RPTOR: variants seen among roughly 807,000 people sequenced by gnomAD.
The protein encoded by RPTOR is regulatory associated protein of MTOR complex 1.
In RPTOR, 21 loss-of-function variants were observed where a neutral mutation model predicts 169.9. That is an observed-to-expected ratio of 0.12 (90% confidence interval 0.09 to 0.18). RPTOR has a LOEUF of 0.18. RPTOR is among the 10% of genes least tolerant of loss of function. The pLI, the probability that RPTOR is intolerant of heterozygous loss-of-function variation, is 1.00. For missense variants in RPTOR, 1,133 were observed against 1,855.9 expected, an observed-to-expected ratio of 0.61 and a Z score of 7.16; for synonymous variants, 732 against 753.2, an observed-to-expected ratio of 0.97 and a Z score of 0.46.
At chr17:80,734,746 C>T (rs1294899911) in intron 5 of RPTOR, among the ~76,000 whole-genome samples, 2 of 152,064 alleles carry the variant, frequency 1.3e-5, no homozygotes, top group East Asian at 1.9e-4. Flanking sequence ...AAGAACAGCC[C>T]GCCCTCTGTA....
At position 80,845,675 on chromosome 17, in the gene RPTOR, T is replaced by C. The variant is rs2067721146; in HGVS notation, c.1213-798T>C. 6.6e-6 allele frequency among the ~76,000 whole-genome samples: 1 copy of C among 151,634 alleles called. No individual in the cohort carries two copies. The highest frequency in any genetic ancestry group is 6.6e-5 in the Admixed American group (1 of 15,236). ...CTCACCAGCGTCCTGTCCCCATTAC[T>C]CCACATCTACAAAAAGCACTTCCTG... On this transcript the variant is annotated intron_variant, in intron 10 of 33. Transcript: ENST00000306801. The surrounding 1 kb of genome is among the most constrained non-coding windows in gnomAD (Gnocchi z 5.4).
intron 2 of RPTOR, among the ~76,000 whole-genome samples, chr17:80,628,462 A>G (rs2065413221): frequency 6.6e-6 from 1 of 152,192 alleles, no homozygotes; most frequent in Non-Finnish European, 1.5e-5. Flanking sequence ...CTTTTAAAAC[A>G]GTCACCTGTT....
At chr17:80,706,148 C>T (rs1265583481) in intron 3 of RPTOR, among the ~76,000 whole-genome samples, 1 of 152,088 alleles carries the variant, frequency 6.6e-6, no homozygotes, top group Non-Finnish European at 1.5e-5. Flanking sequence ...AGAGGCAAAC[C>T]CTTTTAGCTA....
At chr17:80,709,064 A>C in intron 4 of RPTOR, 1 of 985,420 alleles carries the variant, frequency 1.0e-6, no homozygotes. Flanking sequence ...ACCTCGAGGA[A>C]GGCTTCTGAC....
At chr17:80,557,898 C>A (rs189525923) in intron 1 of RPTOR, among the ~76,000 whole-genome samples, 111 of 152,098 alleles carry the variant, frequency 7.3e-4, no homozygotes, top group Middle Eastern at 3.4e-3. Context: ...TGCACTCCAG[C>A]CTGGGCGACA....
At chr17:80,921,575 C>T (rs536098300) in intron 21 of RPTOR, among the ~76,000 whole-genome samples, 204 of 152,362 alleles carry the variant, frequency 1.3e-3, no homozygotes, top group African/African-American at 4.7e-3. Flanking sequence ...CACAGAAAAC[C>T]CTGCTTTAAA....
chr17:80,643,669 G>T (rs193236554), intron 2 of RPTOR, 59 bp from the exon 3 acceptor site: 9 of 1,276,422 alleles, frequency 7.1e-6, no homozygotes, highest in Middle Eastern at 3.7e-4. Context: ...TGGAAGAGAG[G>T]CCTAGCAGAG....
chr17:80,660,949 A>G (rs999692234), intron 3 of RPTOR, among the ~76,000 whole-genome samples: 3 of 151,906 alleles, frequency 2.0e-5, no homozygotes, highest in Non-Finnish European at 4.4e-5. Flanking sequence ...GTCAAGCTCC[A>G]ACCCCCACCC....
chr17:80,677,424 T>G (rs2065868578), intron 3 of RPTOR, among the ~76,000 whole-genome samples: 1 of 152,204 alleles, frequency 6.6e-6, no homozygotes, highest in South Asian at 2.1e-4. Context: ...TTAACAGCTT[T>G]TCGTTGGCCC....
chr17:80,960,112 G>A lies in RPTOR; in HGVS notation c.3512G>A (p.Ser1171Asn). The A allele has an allele frequency of 6.2e-7, 1 of 1,613,662 alleles. No individual in the cohort carries two copies. Among genetic ancestry groups the A allele is most frequent in the Non-Finnish European group, 8.5e-7 (1 of 1,179,984 alleles). Reference protein sequence around the residue: ...IPTGADSCVTSLSCDSHRSLI... With the variant: ...IPTGADSCVTNLSCDSHRSLI... ...ACGGGCGCAGACAGCTGTGTGACGA[G>A]TCTGTCCTGTGATTCCCACCGCTCA... The change falls in exon 30 of 34, where the codon AGT becomes AAT. Residue 1171 changes from serine to asparagine, a missense_variant. Ser to Asn is a conservative substitution (Grantham distance 46). Around this residue, in one of 9 missense-constraint regions of RPTOR, gnomAD observed 410 missense variants for 623.7 expected, o/e 0.66. Transcript: ENST00000306801. This position sits in a 1 kb window ranked among gnomAD's most constrained non-coding sequence, Gnocchi z 4.8.
At chr17:80,773,754 T>G in intron 6 of RPTOR, 2 of 984,150 alleles carry the variant, frequency 2.0e-6, no homozygotes, top group Non-Finnish European at 2.4e-6. Flanking sequence ...GTGGGACTGA[T>G]GGGTAGCCTT....
chr17:80,753,981 T>A (rs1598282404), intron 5 of RPTOR, 29 bp from the exon 6 acceptor site: 2 of 1,593,254 alleles, frequency 1.3e-6, no homozygotes, highest in African/African-American at 2.7e-5. Flanking sequence ...TAAATCACAC[T>A]CTCTTTTCCC....
intron 1 of RPTOR, among the ~76,000 whole-genome samples, chr17:80,613,559 G>A (rs1184825615): frequency 6.6e-6 from 1 of 152,164 alleles, no homozygotes; most frequent in African/African-American, 2.4e-5. Context: ...CACAGGTGCT[G>A]TCTATGGTTG....
intron 3 of RPTOR, among the ~76,000 whole-genome samples, chr17:80,674,940 G>A (rs1171232031): frequency 6.6e-6 from 1 of 152,096 alleles, no homozygotes; most frequent in African/African-American, 2.4e-5. Context: ...TCGTCCTGAC[G>A]TGGAGGTAGA....
chr17:80,881,467 A>G (rs1598375265), intron 14 of RPTOR, among the ~76,000 whole-genome samples: 1 of 152,252 alleles, frequency 6.6e-6, no homozygotes, highest in Admixed American at 6.5e-5. Flanking sequence ...GCTCACATGA[A>G]CGGCCCCACC....
At chr17:80,779,143 C>T (rs2066916213) in intron 6 of RPTOR, among the ~76,000 whole-genome samples, 1 of 152,218 alleles carries the variant, frequency 6.6e-6, no homozygotes, top group African/African-American at 2.4e-5. Flanking sequence ...CATCACAGAC[C>T]CCAAGCTGAA....
intron 11 of RPTOR, 29 bp downstream of exon 11, chr17:80,846,603 C>T (rs1160365245): frequency 1.3e-6 from 2 of 1,598,200 alleles, no homozygotes; most frequent in Non-Finnish European, 1.7e-6. Context: ...GGCCAGACAG[C>T]CGAGGTTCCT....
chr17:80,766,514 C>G (rs561428900), intron 6 of RPTOR, among the ~76,000 whole-genome samples: 1 of 152,312 alleles, frequency 6.6e-6, no homozygotes, highest in Admixed American at 6.5e-5. Context: ...CACGCCTGAT[C>G]CCAGCATGTG....
At chr17:80,910,176 C>T (rs1374642757) in intron 21 of RPTOR, among the ~76,000 whole-genome samples, 1 of 152,160 alleles carries the variant, frequency 6.6e-6, no homozygotes, top group Non-Finnish European at 1.5e-5. Flanking sequence ...CAGTCTCTGT[C>T]TCCTGTTCCC....
Sources: gnomAD v4.1 joint callset for allele counts (sites outside exome capture counted in the v4.1 genomes callset) on GRCh38, gnomAD v4.1.1 for gene constraint, gnomAD v4.1.1 regional missense constraint, Gnocchi (gnomAD v3.1) non-coding constraint, MANE v1.5 for transcripts, NCBI Gene and HGNC (gene_info 2026-07-23, HGNC 2026-07-21) for gene names.